The following PSMA2 variants were observed in gnomAD, a reference collection of about 807,000 sequenced individuals.
The protein encoded by PSMA2 is proteasome subunit alpha type-2.
A neutral mutation model predicts 35.9 loss-of-function variants in PSMA2; 2 were observed. That is an observed-to-expected ratio of 0.06 (90% CI 0.02 to 0.18). The LOEUF (loss-of-function observed/expected upper bound fraction) is 0.18, where lower values mean the gene tolerates loss of function less well. Ranked by LOEUF, PSMA2 falls within the 10% of genes least tolerant of loss-of-function variation. PSMA2 has a pLI of 1.00. For missense variants in PSMA2, 126 were observed against 278.8 expected, an observed-to-expected ratio of 0.45 and a Z score of 3.90; for synonymous variants, 97 against 98.2, an observed-to-expected ratio of 0.99 and a Z score of 0.07.
chr7:42,930,922 TAATTA>T (rs1306204741), intron 1 of PSMA2, among the ~76,000 whole-genome samples: 1 of 152,214 alleles, frequency 6.6e-6, no homozygotes, highest in African/African-American at 2.4e-5. Flanking sequence ...TTTTATTGCA[TAATTA>T]AATTAATCTC....
chr7:42,919,646 C>T (rs188049597), intron 6 of PSMA2: 30 of 569,778 alleles, frequency 5.3e-5, no homozygotes, highest in Non-Finnish European at 8.1e-5. Context: ...TTGGTAATAA[C>T]TTATGGCTGA....
chr7:42,930,433 T>C (rs1434990480), intron 1 of PSMA2, among the ~76,000 whole-genome samples: 1 of 151,944 alleles, frequency 6.6e-6, no homozygotes, highest in Non-Finnish European at 1.5e-5. Context: ...TTAATTTTTT[T>C]CAGAGATAGG....
chr7:42,925,592 T>A (rs1048596473), intron 3 of PSMA2, among the ~76,000 whole-genome samples: 1 of 152,156 alleles, frequency 6.6e-6, no homozygotes, highest in Non-Finnish European at 1.5e-5. Context: ...TCTCTTAAAA[T>A]TTTTTTTCAG....
At chr7:42,919,746 G>C (rs930331404) in intron 6 of PSMA2, 2 of 620,240 alleles carry the variant, frequency 3.2e-6, no homozygotes, top group East Asian at 5.8e-5. Context: ...TTCACCTTGA[G>C]AAAGAATTTC....
chr7:42,929,450 G>A (rs1035924776), intron 1 of PSMA2, among the ~76,000 whole-genome samples: 5 of 152,060 alleles, frequency 3.3e-5, no homozygotes, highest in Admixed American at 2.6e-4. Flanking sequence ...CCTATTACCT[G>A]TACATACCTA....
intron 4 of PSMA2, among the ~76,000 whole-genome samples, chr7:42,923,762 G>C (rs1786162880): frequency 6.6e-6 from 1 of 151,766 alleles, no homozygotes; most frequent in South Asian, 2.1e-4. Flanking sequence ...AGTTAATGCA[G>C]CTTTTCCACT....
At position 42,923,912 on chromosome 7, in the gene PSMA2, G is replaced by A. The variant is rs557905852; in HGVS notation, c.375-506C>T. 4.6e-5 allele frequency among the ~76,000 whole-genome samples: 7 copies of A among 152,208 alleles called. 1 individual carries two copies. In the South Asian group the frequency reaches 1.4e-3, roughly 32 times the overall value. On this transcript the variant is annotated intron_variant, in intron 4 of 7. Transcript: ENST00000223321. ...TACAAAATGACAACTTTCAGTTAAT[G>A]CAGCTTTTCCACTAGGTTTACGTAT...
At chr7:42,919,094 G>A in intron 6 of PSMA2, 1 of 372,136 alleles carries the variant, frequency 2.7e-6, no homozygotes, top group South Asian at 2.5e-5. Flanking sequence ...AAAGTGCTGG[G>A]ATTACAGGCG....
At chr7:42,921,631 T>C (rs1031006377) in intron 6 of PSMA2, 13 of 363,226 alleles carry the variant, frequency 3.6e-5, no homozygotes, top group Non-Finnish European at 5.4e-5. Flanking sequence ...TAGGAAACCA[T>C]AGAATGTAGA....
chr7:42,930,611 G>A (rs1366808155), intron 1 of PSMA2, among the ~76,000 whole-genome samples: 1 of 151,968 alleles, frequency 6.6e-6, no homozygotes, highest in Non-Finnish European at 1.5e-5. Context: ...GAAGGTATAC[G>A]GTTGTTTTAT....
At chr7:42,918,008 A>T (rs1207674976) in intron 6 of PSMA2, 173 bp from the exon 7 acceptor site, 1 of 487,660 alleles carries the variant, frequency 2.1e-6, no homozygotes, top group Non-Finnish European at 3.6e-6. Context: ...AAAACTGACA[A>T]TATCTGGTGC....
At chr7:42,924,877 A>G in intron 3 of PSMA2, 80 bp from the exon 4 acceptor site, 1 of 1,372,100 alleles carries the variant, frequency 7.3e-7, no homozygotes, top group Non-Finnish European at 9.9e-7. Flanking sequence ...ACAGGCATGT[A>G]CCTGCAGCAC....
At chr7:42,932,056 C>T in intron 1 of PSMA2, 62 bp downstream of exon 1, 1 of 1,606,104 alleles carries the variant, frequency 6.2e-7, no homozygotes, top group Non-Finnish European at 8.5e-7. Context: ...ATGGGAAAAA[C>T]TAAATCGACA....
At chr7:42,928,724 C>T (rs1032139800) in intron 1 of PSMA2, among the ~76,000 whole-genome samples, 2 of 152,084 alleles carry the variant, frequency 1.3e-5, no homozygotes, top group Non-Finnish European at 2.9e-5. Flanking sequence ...TACGAATATT[C>T]CCTTGGTCAC....
chr7:42,919,883 T>C (rs866108791), intron 6 of PSMA2: 37 of 753,388 alleles, frequency 4.9e-5, no homozygotes, highest in Middle Eastern at 5.1e-4. Flanking sequence ...GAGAACTCTA[T>C]GCCAGTGGTT....
intron 3 of PSMA2, among the ~76,000 whole-genome samples, chr7:42,926,255 A>G (rs972964329): frequency 6.6e-6 from 1 of 152,260 alleles, no homozygotes; most frequent in Non-Finnish European, 1.5e-5. Context: ...GTTCCTGGAT[A>G]GTAGAAGAGG....
At position 42,920,308 on chromosome 7, in the gene PSMA2, A is replaced by G. The variant is rs536796171; in HGVS notation, c.530+1550T>C. The G allele has an allele frequency of 6.5e-5, 12 of 185,068 alleles. No individual in the cohort carries two copies. In the South Asian group the frequency reaches 1.5e-3, roughly 22 times the overall value. 11.5% of individuals were successfully genotyped at this position (185,068 alleles called of 1,614,324 possible). ...AAGGGAGGTTGAGTTATCCTCTTGTAGTACAATGGCCTGTCATCTTTTTAA... is the reference window on the plus strand; with the variant it reads ...AAGGGAGGTTGAGTTATCCTCTTGTGGTACAATGGCCTGTCATCTTTTTAA... On this transcript the variant is annotated intron_variant, in intron 6 of 7. Coordinates refer to ENST00000223321, the MANE Select transcript of PSMA2 (RefSeq NM_002787.5).
At position 42,917,531 on chromosome 7, in the gene PSMA2, A is replaced by G; in HGVS notation, c.*43T>C. ...AAACATACTTTAAACATGTTTAAGT[A>G]GATAGATTATCTGAAATTCTGGATT... On this transcript the variant is annotated 3_prime_UTR_variant, in exon 8 of 8. Coordinates refer to ENST00000223321, the MANE Select transcript of PSMA2 (RefSeq NM_002787.5). 7.1e-7 allele frequency: 1 copy of G among 1,412,784 alleles called. No homozygotes were observed. Among genetic ancestry groups the G allele is most frequent in the Non-Finnish European group, 1.0e-6 (1 of 1,000,080 alleles). The allele number at this position is 1,412,784 out of a possible 1,614,324, so 87.5% of individuals were successfully genotyped here. A position where few individuals can be genotyped will look rare whatever the true frequency, so the allele number is the denominator to read the frequency against.
chr7:42,927,346 C>T (rs1786229966), intron 2 of PSMA2, 37 bp downstream of exon 2: 1 of 1,540,390 alleles, frequency 6.5e-7, no homozygotes, highest in South Asian at 1.1e-5. Flanking sequence ...AGGATAACTA[C>T]TAACAGGCAT....
Sources: gnomAD v4.1 joint callset for allele counts (sites outside exome capture counted in the v4.1 genomes callset) on GRCh38, gnomAD v4.1.1 for gene constraint, MANE v1.5 for transcripts, NCBI Gene and HGNC (gene_info 2026-07-23, HGNC 2026-07-21) for gene names.